COL13A1: variants seen among roughly 807,000 people sequenced by gnomAD.
The protein encoded by COL13A1 is collagen type XIII alpha 1 chain.
In COL13A1, 89 loss-of-function variants were observed where a neutral mutation model predicts 130.9. The observed-to-expected ratio is 0.68, with a 90% CI of 0.57 to 0.81. The LOEUF (loss-of-function observed/expected upper bound fraction) is 0.81. COL13A1 is among the 30% of genes least tolerant of loss of function. The pLI is 0.00. For missense variants in COL13A1, 879 were observed against 934.6 expected (o/e 0.94, Z 0.78); for synonymous variants, 402 against 341.6 (o/e 1.18, Z -1.95).
intron 2 of COL13A1, among the ~76,000 whole-genome samples, chr10:69,849,615 G>A (rs781580348): frequency 4.6e-5 from 7 of 152,180 alleles, no homozygotes; most frequent in South Asian, 2.1e-4. Context: ...CTAGCATGTG[G>A]GAACAACTGT....
intron 10 of COL13A1, among the ~76,000 whole-genome samples, chr10:69,890,289 T>G (rs1427614274): frequency 6.6e-6 from 1 of 152,134 alleles, no homozygotes; most frequent in East Asian, 1.9e-4. Context: ...TAAGAGCTAA[T>G]GGGCCCCTGC....
chr10:69,850,893 C>G (rs889426957), intron 2 of COL13A1, among the ~76,000 whole-genome samples: 53 of 152,364 alleles, frequency 3.5e-4, no homozygotes, highest in African/African-American at 1.3e-3. Flanking sequence ...CAAGGTGGCT[C>G]TCTTTAGCCA....
At chr10:69,879,952 C>T (rs1182025855) in intron 6 of COL13A1, among the ~76,000 whole-genome samples, 2 of 152,130 alleles carry the variant, frequency 1.3e-5, no homozygotes, top group Admixed American at 6.5e-5. Flanking sequence ...TGCTCGTGTC[C>T]CCCTCCTCTG....
At chr10:69,914,394 G>A (rs1423182313) in intron 17 of COL13A1, among the ~76,000 whole-genome samples, 2 of 152,178 alleles carry the variant, frequency 1.3e-5, no homozygotes, top group Non-Finnish European at 2.9e-5. Context: ...GGGCTGGGGT[G>A]GGTGGGAAGA....
rs567223988 is a variant in COL13A1 at position 69,819,239 on chromosome 10, G to A, written c.295-3130G>A. ...GTTTCCTGGATTATACAATGGGGCTGATTTCTAGCCTGCCTGTTGCACGGG... is the reference window on the plus strand; with the variant it reads ...GTTTCCTGGATTATACAATGGGGCTAATTTCTAGCCTGCCTGTTGCACGGG... On this transcript the variant is annotated intron_variant, in intron 1 of 40. Coordinates refer to ENST00000645393, the MANE Select transcript of COL13A1 (RefSeq NM_001368882.1). Among the ~76,000 whole-genome samples, 7 of 152,336 alleles carry A rather than the reference G, an allele frequency of 4.6e-5. No homozygotes were observed. The South Asian group carries it at 1.5e-3, about 32-fold the overall frequency.
At chr10:69,936,676 T>G in intron 32 of COL13A1, 80 bp from the exon 33 acceptor site, 1 of 1,564,674 alleles carries the variant, frequency 6.4e-7, no homozygotes, top group Non-Finnish European at 8.8e-7. Flanking sequence ...CCCTTGTTCT[T>G]CTGTGATCCA....
chr10:69,886,866 GA>G (rs1564950372), intron 7 of COL13A1, among the ~76,000 whole-genome samples: 1 of 152,204 alleles, frequency 6.6e-6, no homozygotes, highest in East Asian at 1.9e-4. Context: ...GCACCTCCAG[GA>G]AAATAGGCAT....
At chr10:69,920,058 G>A (rs111398222) in intron 21 of COL13A1, among the ~76,000 whole-genome samples, 8 of 152,334 alleles carry the variant, frequency 5.3e-5, no homozygotes, top group African/African-American at 1.9e-4. Flanking sequence ...CACATCTGCA[G>A]GAGCAGCCCA....
At chr10:69,843,871 C>A (rs1263254701) in intron 2 of COL13A1, among the ~76,000 whole-genome samples, 1 of 152,218 alleles carries the variant, frequency 6.6e-6, no homozygotes, top group East Asian at 1.9e-4. Context: ...GGCAGTTGTG[C>A]ACCTGGATTT....
rs1282724090 is a variant in COL13A1, at chr10:69,802,295, G to A, written c.-129G>A. 6 of 1,121,718 alleles carry A rather than the reference G, an allele frequency of 5.3e-6. No individual in the cohort carries two copies. In the Admixed American group the frequency reaches 2.4e-4, roughly 45 times the overall value. The allele number at this position is 1,121,718 out of a possible 1,614,324, so 69.5% of individuals were successfully genotyped here. On this transcript the variant is annotated 5_prime_UTR_variant, in exon 1 of 41. Transcript: ENST00000645393. ...TTCCGTCCTCTTTGCCGGGAGCAGC[G>A]GAAAGGGACGTTTTCCAGCGATACA...
At position 69,938,159 on chromosome 10, in the gene COL13A1, CACAG is replaced by C. The variant is rs1199667496; in HGVS notation, c.1878+448_1878+451del. On this transcript the variant is annotated intron_variant, in intron 34 of 40. Transcript: ENST00000645393. The stretch of plus-strand genomic sequence containing the variant: ...TTAAGCACTGGTCATTGCAGAAAGG[CACAG>C]ACAAAGTCAGACTTTGTGGTCCCAG... 7.2e-5 allele frequency among the ~76,000 whole-genome samples: 11 copies of C among 152,328 alleles called. No homozygotes were observed. The East Asian group carries it at 1.9e-3, about 27-fold the overall frequency.
In COL13A1 at chr10:69,841,046, G is replaced by A. The variant is rs577731301; in HGVS notation, c.364+18608G>A. Reference sequence around the variant, plus strand: ...ACGACCATGTCCAGCACACCCCATCGGGCCCCATCCCTCCCCACTGCCCCC... The same window carrying A: ...ACGACCATGTCCAGCACACCCCATCAGGCCCCATCCCTCCCCACTGCCCCC... On this transcript the variant is annotated intron_variant, in intron 2 of 40. Coordinates refer to ENST00000645393, the MANE Select transcript of COL13A1 (RefSeq NM_001368882.1). 1.1e-3 allele frequency among the ~76,000 whole-genome samples: 161 copies of A among 151,544 alleles called. 1 individual carries two copies. The highest frequency in any genetic ancestry group is 2.8e-3 in the African/African-American group (116 of 41,270).
rs2058649631 is a variant in COL13A1 at position 69,867,568 on chromosome 10, CT to C, written c.365-229del. Among the ~76,000 whole-genome samples, 5 of 152,260 alleles carry C rather than the reference CT, an allele frequency of 3.3e-5. No homozygotes were observed. In the South Asian group the frequency reaches 1.0e-3, roughly 31 times the overall value. ...GGCCACCGGCAGGTCCCCAGCAGGG[CT>C]GAGCCTGGGGCCTAGACCTCTGGAT... On this transcript the variant is annotated intron_variant, in intron 2 of 40. Transcript: ENST00000645393.
rs148060280 is a variant in COL13A1 at position 69,882,316 on chromosome 10, G to A, written c.513+1763G>A. On this transcript the variant is annotated intron_variant, in intron 7 of 40. Transcript: ENST00000645393. Reference sequence around the variant, plus strand: ...ACCCTTTCAGCAAATTATGTCAACAGGCTACCAAAAAGTTATTGAAAACCT... The same window carrying A: ...ACCCTTTCAGCAAATTATGTCAACAAGCTACCAAAAAGTTATTGAAAACCT... Among the ~76,000 whole-genome samples the A allele has an allele frequency of 1.6e-4, 24 of 152,302 alleles. No homozygotes were observed. The East Asian group carries it at 4.6e-3, about 29-fold the overall frequency.
chr10:69,900,870 C>G (rs2062116969), intron 14 of COL13A1, among the ~76,000 whole-genome samples: 1 of 152,148 alleles, frequency 6.6e-6, no homozygotes, highest in Non-Finnish European at 1.5e-5. Flanking sequence ...CTTCTTGGAG[C>G]CTCAGTTTTC....
intron 1 of COL13A1, among the ~76,000 whole-genome samples, chr10:69,812,937 G>A (rs1193203034): frequency 2.0e-5 from 3 of 152,138 alleles, no homozygotes; most frequent in African/African-American, 4.8e-5. Context: ...TCCATGCCCC[G>A]GCTGGCTCTC....
At chr10:69,958,598 C>T in intron 40 of COL13A1, 101 bp from the exon 41 acceptor site, 1 of 1,581,976 alleles carries the variant, frequency 6.3e-7, no homozygotes, top group Non-Finnish European at 8.6e-7. Context: ...CCAGAACTCC[C>T]ATCCAACCCA....
At chr10:69,877,695 TCTCTCACACACACACACACACA>T in intron 5 of COL13A1, 2 of 112,206 alleles carry the variant, frequency 1.8e-5, no homozygotes, top group Admixed American at 1.4e-4. Context: ...TCTCTCTCTC[TCTCTCACACACACACACACACA>T]CACACACACA....
At chr10:69,888,498 C>T (rs541947013) in intron 9 of COL13A1, among the ~76,000 whole-genome samples, 168 bp downstream of exon 9, 6 of 152,192 alleles carry the variant, frequency 3.9e-5, no homozygotes, top group Admixed American at 3.3e-4. Flanking sequence ...TCACCCCTGA[C>T]CCCAGTGGCC....
Sources: gnomAD v4.1 joint callset for allele counts (sites outside exome capture counted in the v4.1 genomes callset) on GRCh38, gnomAD v4.1.1 for gene constraint, MANE v1.5 for transcripts, NCBI Gene and HGNC (gene_info 2026-07-23, HGNC 2026-07-21) for gene names.